Variants in MAGI2 observed in about 807,000 individuals in gnomAD.
MAGI2 encodes the protein membrane-associated guanylate kinase, WW and PDZ domain-containing protein 2.
In MAGI2, 35 loss-of-function variants were observed where a neutral mutation model predicts 133.3. The ratio of observed to expected loss-of-function variants is 0.26; its 90% CI spans 0.20 to 0.35. The LOEUF (loss-of-function observed/expected upper bound fraction) is 0.35. Among genes scored for constraint, MAGI2 ranks in the 10% least tolerant of loss-of-function variants. The pLI is 1.00. For synonymous variants in MAGI2, 729 were observed against 710.6 expected (o/e 1.03, Z -0.41); for missense variants, 1,636 against 1,863.4 (o/e 0.88, Z 2.25).
At chr7:79,050,322 A>G (rs892513752) in intron 1 of MAGI2, among the ~76,000 whole-genome samples, 4 of 152,124 alleles carry the variant, frequency 2.6e-5, no homozygotes, top group Non-Finnish European at 5.9e-5. Context: ...TGTGGGAGGG[A>G]GACATGAAAT....
chr7:78,270,517 T>C (rs1377194974), intron 9 of MAGI2, among the ~76,000 whole-genome samples: 1 of 152,192 alleles, frequency 6.6e-6, no homozygotes, highest in Non-Finnish European at 1.5e-5. Flanking sequence ...TTATTATCTT[T>C]GTAGCAATTG....
intron 9 of MAGI2, among the ~76,000 whole-genome samples, chr7:78,267,884 C>G (rs773629007): frequency 6.6e-6 from 1 of 152,054 alleles, no homozygotes; most frequent in Non-Finnish European, 1.5e-5. Context: ...ACAAATGGCA[C>G]GGAGGAAAAC....
intron 6 of MAGI2, among the ~76,000 whole-genome samples, chr7:78,403,290 T>G (rs6953594): frequency 0.82 from 125,422 of 152,046 alleles, 51,903 homozygotes; most frequent in African/African-American, 0.87. Context: ...TGAGAATGAT[T>G]GTTTCCAGCT....
chr7:79,153,406 A>G (rs1708199496), intron 1 of MAGI2, among the ~76,000 whole-genome samples: 1 of 152,196 alleles, frequency 6.6e-6, no homozygotes, highest in African/African-American at 2.4e-5. Context: ...ATAGTTTTAC[A>G]AATAGATAAC....
intron 1 of MAGI2, among the ~76,000 whole-genome samples, chr7:79,052,664 T>A (rs967058612): frequency 1.3e-5 from 2 of 152,142 alleles, no homozygotes; most frequent in African/African-American, 4.8e-5. Flanking sequence ...AAACCTAAGG[T>A]AATTTAAATA....
At chr7:78,819,625 A>G (rs1248803243) in intron 2 of MAGI2, among the ~76,000 whole-genome samples, 2 of 152,020 alleles carry the variant, frequency 1.3e-5, no homozygotes, top group Non-Finnish European at 2.9e-5. Flanking sequence ...GGAAAAGAGA[A>G]GACAATGTGT....
chr7:78,852,499 A>T (rs192957479), intron 2 of MAGI2, among the ~76,000 whole-genome samples: 4 of 152,138 alleles, frequency 2.6e-5, no homozygotes, highest in African/African-American at 9.7e-5. Context: ...TAAAAATTTT[A>T]AAAGTTTATA....
chr7:78,053,399 G>C (rs955738662), intron 21 of MAGI2, among the ~76,000 whole-genome samples: 2 of 152,212 alleles, frequency 1.3e-5, no homozygotes, highest in Non-Finnish European at 2.9e-5. Flanking sequence ...GGAATTCAGC[G>C]GGAGGGGCCG....
chr7:79,429,980 T>G (rs1585952748), intron 1 of MAGI2, among the ~76,000 whole-genome samples: 1 of 152,130 alleles, frequency 6.6e-6, no homozygotes, highest in South Asian at 2.1e-4. Flanking sequence ...CGATGAAAAA[T>G]GTTCCCATCA....
chr7:78,644,823 T>C (rs1810677226), intron 2 of MAGI2, among the ~76,000 whole-genome samples: 1 of 151,718 alleles, frequency 6.6e-6, no homozygotes, highest in Admixed American at 6.6e-5. Context: ...AAAAATAAAA[T>C]CAATAGCTGG....
intron 1 of MAGI2, among the ~76,000 whole-genome samples, chr7:79,040,277 A>G (rs1811533675): frequency 6.6e-6 from 1 of 151,922 alleles, no homozygotes; most frequent in Admixed American, 6.6e-5. Flanking sequence ...TTCTGCCATG[A>G]CTGTGTTTCC....
rs750496903 is a variant in MAGI2 at position 78,792,753 on chromosome 7, A to G, written c.419-165514T>C. Among the ~76,000 whole-genome samples the G allele has an allele frequency of 7.2e-5, 11 of 152,362 alleles. No individual in the cohort carries two copies. In the South Asian group the frequency reaches 8.3e-4, roughly 11 times the overall value. On this transcript the variant is annotated intron_variant, in intron 2 of 21. Coordinates refer to ENST00000354212, the MANE Select transcript of MAGI2 (RefSeq NM_012301.4). Reference sequence around the variant, plus strand: ...ACTGAAAAAAAGAAGTAATTCATATAGTGAAAGAGCAATAAAAAATACATC... The same window carrying G: ...ACTGAAAAAAAGAAGTAATTCATATGGTGAAAGAGCAATAAAAAATACATC...
At chr7:78,364,337 A>G (rs1793155946) in intron 7 of MAGI2, among the ~76,000 whole-genome samples, 1 of 152,214 alleles carries the variant, frequency 6.6e-6, no homozygotes, top group Admixed American at 6.5e-5. Context: ...AAGCATTATT[A>G]AGATAAGATA....
At chr7:79,440,253 T>C (rs1446419398) in intron 1 of MAGI2, among the ~76,000 whole-genome samples, 1 of 152,066 alleles carries the variant, frequency 6.6e-6, no homozygotes, top group Non-Finnish European at 1.5e-5. Context: ...AACACTTTGA[T>C]GAGTCAGTTT....
chr7:79,238,689 A>G (rs972179858), intron 1 of MAGI2, among the ~76,000 whole-genome samples: 1 of 152,162 alleles, frequency 6.6e-6, no homozygotes, highest in Non-Finnish European at 1.5e-5. Flanking sequence ...TTTCTCTTAA[A>G]TATTATTTGA....
At chr7:78,510,851 G>A (rs113907008) in intron 4 of MAGI2, among the ~76,000 whole-genome samples, 175 of 152,238 alleles carry the variant, frequency 1.1e-3, no homozygotes, top group African/African-American at 3.9e-3. Flanking sequence ...AATCAGAAAC[G>A]CAGCTCCCCA....
intron 2 of MAGI2, among the ~76,000 whole-genome samples, chr7:78,915,247 A>C (rs933699198): frequency 5.9e-5 from 9 of 152,148 alleles, no homozygotes; most frequent in African/African-American, 2.2e-4. Flanking sequence ...AAGCAGGATT[A>C]TGAACACTGC....
rs529753604 is a variant in MAGI2, at chr7:78,578,795, G to A, written c.538+48325C>T. On this transcript the variant is annotated intron_variant, in intron 3 of 21. Transcript: ENST00000354212. The stretch of plus-strand genomic sequence containing the variant: ...CATTAACCACTGTTCATGACTCTCA[G>A]TGGAGGCCAGGGCATTATCCCTCGG... Among the ~76,000 whole-genome samples the A allele has an allele frequency of 2.0e-5, 3 of 152,274 alleles. No homozygotes were observed. The East Asian group carries it at 5.8e-4, about 29-fold the overall frequency.
chr7:78,519,143 A>AC (rs1436523506), intron 4 of MAGI2: 1 of 152,004 alleles, frequency 6.6e-6, no homozygotes, highest in African/African-American at 2.4e-5. Context: ...AAAAAAAAAA[A>AC]AAAAACCAAT....
Sources: allele counts gnomAD v4.1 joint callset (sites outside exome capture counted in the v4.1 genomes callset), GRCh38; gene constraint gnomAD v4.1.1; transcripts MANE v1.5; gene names NCBI Gene and HGNC (gene_info 2026-07-23, HGNC 2026-07-21).